Variants in AMELX observed in about 807,000 individuals in gnomAD.
AMELX encodes amelogenin X-linked, also known as amelogenin, X isoform.
Under a neutral mutation model 15.8 loss-of-function variants are expected in AMELX, and 9 were observed. The observed-to-expected ratio is 0.57, with a 90% CI of 0.34 to 0.99. The LOEUF (loss-of-function observed/expected upper bound fraction) is 0.99, where lower values mean the gene tolerates loss of function less well. Ranked by LOEUF, AMELX falls within the 50% of genes least tolerant of loss-of-function variation. The probability of loss-of-function intolerance (pLI) is 0.02; values close to 1 mark genes in which losing one functional copy is unlikely to be tolerated. For synonymous variants in AMELX, 61 were observed against 58.8 expected (o/e 1.04, Z -0.17); for missense variants, 107 against 156.2 (o/e 0.68, Z 1.68).
At chrX:11,296,066 A>G (rs2048079335) in intron 2 of AMELX, among the ~76,000 whole-genome samples, 2 of 112,173 alleles carry the variant, frequency 1.8e-5, no homozygotes, top group Admixed American at 1.9e-4. Context: ...CCGTTGGCAG[A>G]ATAATAAAAA....
At chrX:11,297,345 C>T (rs1287687078) in intron 3 of AMELX, among the ~76,000 whole-genome samples, 1 of 111,714 alleles carries the variant, frequency 9.0e-6, no homozygotes, top group Non-Finnish European at 1.9e-5. Context: ...TCTCCTCAAC[C>T]TCTTACTAAC....
At chrX:11,294,944 A>G (rs1454341160) in intron 2 of AMELX, 102 bp downstream of exon 2, 3 of 895,299 alleles carry the variant, frequency 3.4e-6, no homozygotes, top group Non-Finnish European at 4.9e-6. Context: ...ACAGTATGAG[A>G]TCAGATGTCT....
chrX:11,296,912 C>G (rs2048094989), intron 3 of AMELX, 86 bp downstream of exon 3: 2 of 1,090,130 alleles, frequency 1.8e-6, no homozygotes, highest in Non-Finnish European at 2.5e-6. Flanking sequence ...GATTCTTTAT[C>G]CCAGATGTTT....
At position 11,298,814 on chromosome X, in the gene AMELX, C is replaced by T. The variant is rs755554117; in HGVS notation, c.411C>T (p.His137=). 1.4e-5 allele frequency: 17 copies of T among 1,208,696 alleles called. No individual in the cohort carries two copies. Among genetic ancestry groups the T allele is most frequent in the South Asian group, 1.8e-5 (1 of 56,646 alleles). ...CCCAGCCTGTTCAGCCACAGCCTCA[C>T]CAGCCCATGCAGCCCCAGCCACCTG... The part of the protein sequence containing the change: ...YQPQPVQPQP[H]QPMQPQPPVH... The change falls in exon 5 of 6, where the codon CAC becomes CAT. Residue 137 remains histidine, a synonymous_variant. Transcript: ENST00000380714.
downstream of AMELX, among the ~76,000 whole-genome samples, chrX:11,305,113 G>A (rs927410754): frequency 1.8e-5 from 2 of 111,413 alleles, no homozygotes; most frequent in African/African-American, 3.3e-5. Flanking sequence ...CTCTAGATGA[G>A]TGGTTCTTAA....
downstream of AMELX, chrX:11,300,810 T>C: frequency 2.5e-6 from 1 of 403,093 alleles, no homozygotes; most frequent in Non-Finnish European, 4.4e-6. Flanking sequence ...TCATTTGAGA[T>C]GATATATTAT....
chrX:11,306,076 A>G, the AMELX span, among the ~76,000 whole-genome samples: 1 of 111,430 alleles, frequency 9.0e-6, no homozygotes, highest in East Asian at 2.8e-4. Flanking sequence ...CCTCACCTCA[A>G]TGCCACCTCT....
At chrX:11,305,580 G>T (rs1307433467), downstream of AMELX, among the ~76,000 whole-genome samples, 1 of 111,583 alleles carries the variant, frequency 9.0e-6, no homozygotes, top group East Asian at 2.8e-4. Flanking sequence ...AAGAACCTCT[G>T]AAAGTGATTG....
chrX:11,302,983 TTAAGGCCAAGA>T (rs1165364459), downstream of AMELX, among the ~76,000 whole-genome samples: 1 of 112,404 alleles, frequency 8.9e-6, no homozygotes, highest in Non-Finnish European at 1.9e-5. Flanking sequence ...AAGACTGAGT[TTAAGGCCAAGA>T]CTTTTAAAAA....
chrX:11,303,035 T>A (rs926025615), downstream of AMELX, among the ~76,000 whole-genome samples: 5 of 112,539 alleles, frequency 4.4e-5, no homozygotes, highest in Admixed American at 2.8e-4. Flanking sequence ...CTGTATTAAT[T>A]GGGAAAAAAT....
At chrX:11,307,126 C>T in the AMELX span, among the ~76,000 whole-genome samples, 1 of 111,050 alleles carries the variant, frequency 9.0e-6, no homozygotes, top group Admixed American at 9.6e-5. Flanking sequence ...CTTTCTCTCA[C>T]TGATTAGTTC....
At chrX:11,302,836 A>T (rs1344486817), downstream of AMELX, among the ~76,000 whole-genome samples, 1 of 111,230 alleles carries the variant, frequency 9.0e-6, no homozygotes, top group East Asian at 2.8e-4. Flanking sequence ...CAAGAAAAAA[A>T]GATCAAGCTG....
At chrX:11,303,526 T>G (rs374180010), downstream of AMELX, among the ~76,000 whole-genome samples, 7 of 112,503 alleles carry the variant, frequency 6.2e-5, no homozygotes, top group African/African-American at 2.3e-4. Flanking sequence ...AAAGCCCATT[T>G]GCAAATATCA....
intron 4 of AMELX, 91 bp from the exon 5 acceptor site, chrX:11,298,457 C>T (rs1428840938): frequency 5.1e-6 from 6 of 1,168,128 alleles, no homozygotes; most frequent in African/African-American, 1.8e-5. Flanking sequence ...ATAAAATATT[C>T]CTATAGCCAT....
rs2048119529 is a variant in AMELX, at chrX:11,298,357, C to A, written c.144+80C>A. ...TCCCATATTAAGTGAAATATCATGT[C>A]TACTCCACATGCAGACATTAATGGG... is the stretch of plus-strand genomic sequence containing the variant. On this transcript the variant is annotated intron_variant, in intron 4 of 5. Transcript: ENST00000380714. 4 of 1,110,213 alleles carry A rather than the reference C, an allele frequency of 3.6e-6. No homozygotes were observed. In the Admixed American group the frequency reaches 8.7e-5, roughly 24 times the overall value. 91.5% of individuals were successfully genotyped at this position (1,110,213 alleles called of 1,213,427 possible). A position where few individuals can be genotyped will look rare whatever the true frequency, so the allele number is the denominator to read the frequency against.
chrX:11,297,398 G>A (rs1278008675), intron 3 of AMELX, among the ~76,000 whole-genome samples: 1 of 111,725 alleles, frequency 9.0e-6, no homozygotes, highest in Non-Finnish European at 1.9e-5. Context: ...TGGAACCCTG[G>A]TTTCCTCATC....
Position 11,298,251 on chromosome X carries a change from A to G in AMELX, c.118A>G (p.Lys40Glu). ...NFSYEVLTPLKWYQSIRPPYP... is the reference protein window; with the variant it reads ...NFSYEVLTPLEWYQSIRPPYP... ...TTCTCTTAAGGTGCTTACCCCTTTG[A>G]AGTGGTACCAGAGCATAAGGCCACC... The change falls in exon 4 of 6, where the codon AAG becomes GAG. Residue 40 changes from lysine to glutamate, a missense_variant. Transcript: ENST00000380714. The G allele has an allele frequency of 8.3e-7, 1 of 1,211,493 alleles. No individual in the cohort carries two copies. Among genetic ancestry groups the G allele is most frequent in the East Asian group, 3.0e-5 (1 of 33,839 alleles).
chrX:11,304,777 C>CTTTTTTTTTTTTTTTTT (rs953912280), downstream of AMELX, among the ~76,000 whole-genome samples: 30 of 50,310 alleles, frequency 6.0e-4, 1 homozygote, highest in Non-Finnish European at 7.0e-4. Context: ...CTTTCTTTTA[C>CTTTTTTTTTTTTTTTTT]TTTTTTTTTT....
At chrX:11,304,995 G>T (rs1472012912), downstream of AMELX, among the ~76,000 whole-genome samples, 3 of 108,136 alleles carry the variant, frequency 2.8e-5, no homozygotes, top group Admixed American at 3.0e-4. Flanking sequence ...TACCATGTTG[G>T]CCAGGATTGC....
Sources: gnomAD v4.1 joint callset for allele counts (sites outside exome capture counted in the v4.1 genomes callset) on GRCh38, gnomAD v4.1.1 for gene constraint, MANE v1.5 for transcripts, NCBI Gene and HGNC (gene_info 2026-07-23, HGNC 2026-07-21) for gene names.